NOS1: variants seen among roughly 807,000 people sequenced by gnomAD.
NOS1 encodes nitric oxide synthase 1, also known as NOS type I.
NOS1 carries 51 observed loss-of-function variants against 164.5 expected under a neutral mutation model. That is an observed-to-expected ratio of 0.31 (90% CI 0.25 to 0.39). NOS1 has a LOEUF of 0.39. Ranked by LOEUF, NOS1 falls within the 10% of genes least tolerant of loss-of-function variation. The pLI, the probability that NOS1 is intolerant of heterozygous loss-of-function variation, is 1.00. For synonymous variants in NOS1, 719 were observed against 745.8 expected (o/e 0.96, Z 0.59); for missense variants, 1,362 against 1,885.6 (o/e 0.72, Z 5.14).
chr12:117,354,377 A>G (rs1275533402), intron 1 of NOS1, among the ~76,000 whole-genome samples: 1 of 149,526 alleles, frequency 6.7e-6, no homozygotes, highest in African/African-American at 2.6e-5. Flanking sequence ...AAGCAAAATG[A>G]TAACTGAAGG....
rs916468447 is a variant in NOS1 at position 117,210,667 on chromosome 12, T to C, written c.*4642A>G. The C allele has an allele frequency of 1.0e-6, 1 of 985,326 alleles. No homozygotes were observed. Among genetic ancestry groups the C allele is most frequent in the South Asian group, 4.7e-5 (1 of 21,290 alleles). The allele number at this position is 985,326 out of a possible 1,614,324, so 61.0% of individuals were successfully genotyped here. ...GCCCTATGAGCTAGGTCAGGACACC[T>C]CTCACTTGTTTTGAGCTTAGGGCAA... On this transcript the variant is annotated 3_prime_UTR_variant, in exon 29 of 29. Transcript: ENST00000317775.
intron 13 of NOS1, among the ~76,000 whole-genome samples, chr12:117,263,217 GAATGAATGAATGAGTA>G (rs1002718324): frequency 1.1e-4 from 6 of 52,868 alleles, no homozygotes; most frequent in South Asian, 1.2e-3. Flanking sequence ...CCCAACTAAT[GAATGAATGAATGAGTA>G]AATGAATGAA....
At chr12:117,238,556 G>A (rs1291045057) in intron 20 of NOS1, among the ~76,000 whole-genome samples, 1 of 151,702 alleles carries the variant, frequency 6.6e-6, no homozygotes, top group African/African-American at 2.4e-5. Context: ...TCACTCTATT[G>A]CCCAGGCTGG....
intron 7 of NOS1, among the ~76,000 whole-genome samples, chr12:117,282,868 G>A (rs555041825): frequency 2.0e-5 from 3 of 151,964 alleles, no homozygotes; most frequent in Admixed American, 2.0e-4. Context: ...ACAGTGAGTG[G>A]GGTGTGATGC....
At chr12:117,299,951 C>G (rs1403497734) in intron 3 of NOS1, among the ~76,000 whole-genome samples, 1 of 152,088 alleles carries the variant, frequency 6.6e-6, no homozygotes, top group Non-Finnish European at 1.5e-5. Flanking sequence ...ATCTTAACAT[C>G]AATCCTGTAA....
At position 117,260,627 on chromosome 12, in the gene NOS1, G is replaced by A. The variant is rs773245187; in HGVS notation, c.2223-18C>T. 69 of 1,603,120 alleles carry A rather than the reference G, an allele frequency of 4.3e-5. No homozygotes were observed. Among genetic ancestry groups the A allele is most frequent in the South Asian group, 3.9e-4 (35 of 90,530 alleles). On this transcript the variant is annotated intron_variant, in intron 13 of 28. Coordinates refer to ENST00000317775, the MANE Select transcript of NOS1 (RefSeq NM_000620.5). ...TGACAGCTCTGGAGGGAAGAGGATG[G>A]AGATGAAAAATGGGCAACAGAAAAG... is the stretch of plus-strand genomic sequence containing the variant.
intron 2 of NOS1, among the ~76,000 whole-genome samples, chr12:117,315,503 T>C (rs1408811180): frequency 6.6e-6 from 1 of 152,212 alleles, no homozygotes; most frequent in Non-Finnish European, 1.5e-5. Flanking sequence ...AACATCCAGG[T>C]TGAACTATTT....
rs753258221 is a variant in NOS1, at chr12:117,286,291, G to C, written c.1128-25C>G. 6.2e-6 allele frequency: 10 copies of C among 1,612,702 alleles called. No individual in the cohort carries two copies. In the Admixed American group the frequency reaches 1.7e-4, roughly 27 times the overall value. On this transcript the variant is annotated intron_variant, in intron 5 of 28. Transcript: ENST00000317775. ...TCTGAGTGAAGAGGAAGGGACATGG[G>C]AACATCACCCCCTCTTCTGAATTAG...
At chr12:117,311,682 C>T in intron 2 of NOS1, 90 bp from the exon 3 acceptor site, 1 of 1,394,276 alleles carries the variant, frequency 7.2e-7, no homozygotes, top group Non-Finnish European at 9.7e-7. Context: ...CTGTACAGAA[C>T]CTCAGTAGCT....
intron 8 of NOS1, among the ~76,000 whole-genome samples, chr12:117,279,209 T>A (rs1873431096): frequency 6.6e-6 from 1 of 151,752 alleles, no homozygotes; most frequent in Non-Finnish European, 1.5e-5. Context: ...AAACCCTATC[T>A]CTACTAAAAT....
chr12:117,314,233 G>C (rs560158469), intron 2 of NOS1, among the ~76,000 whole-genome samples: 1 of 152,312 alleles, frequency 6.6e-6, no homozygotes, highest in South Asian at 2.1e-4. Context: ...TACCCAGAGT[G>C]GCTCTTGATT....
At chr12:117,266,064 G>A (rs373947258) in intron 11 of NOS1, among the ~76,000 whole-genome samples, 1 of 151,932 alleles carries the variant, frequency 6.6e-6, no homozygotes, top group Admixed American at 6.6e-5. Flanking sequence ...CTCCCAAAGT[G>A]CTGGGATTAC....
intron 20 of NOS1, among the ~76,000 whole-genome samples, chr12:117,241,517 C>G (rs1870177975): frequency 6.6e-6 from 1 of 150,574 alleles, no homozygotes; most frequent in Non-Finnish European, 1.5e-5. Context: ...GGTGGGTAAC[C>G]TGGTGAACCA....
At chr12:117,284,639 C>T (rs1241300914) in intron 7 of NOS1, among the ~76,000 whole-genome samples, 2 of 152,102 alleles carry the variant, frequency 1.3e-5, no homozygotes, top group Non-Finnish European at 2.9e-5. Flanking sequence ...TGTTCCTGTC[C>T]TCTCCAGGAA....
At chr12:117,242,423 C>T (rs1870256941) in intron 20 of NOS1, among the ~76,000 whole-genome samples, 1 of 152,152 alleles carries the variant, frequency 6.6e-6, no homozygotes, top group South Asian at 2.1e-4. Context: ...AGACCAATAC[C>T]ATCTCCTTTT....
chr12:117,301,883 C>A, intron 3 of NOS1: 1 of 413,356 alleles, frequency 2.4e-6, no homozygotes, highest in Non-Finnish European at 4.9e-6. Flanking sequence ...CTCAAATTCG[C>A]AATATATTAT....
chr12:117,246,530 C>T lies in NOS1; in HGVS notation c.2823+818G>A, dbSNP rs57216246. Among the ~76,000 whole-genome samples the T allele has an allele frequency of 2.0e-5, 3 of 152,238 alleles. No individual in the cohort carries two copies. In the East Asian group the frequency reaches 5.8e-4, roughly 29 times the overall value. ...ATGCACAATCCTGTGGCATGTCGAA[C>T]GTCCACAAGGTTATGCAACCCTTCC... On this transcript the variant is annotated intron_variant, in intron 18 of 28. Transcript: ENST00000317775.
chr12:117,290,815 A>G (rs1273856536), intron 3 of NOS1, among the ~76,000 whole-genome samples: 1 of 152,152 alleles, frequency 6.6e-6, no homozygotes, highest in African/African-American at 2.4e-5. Context: ...GCACCGAGGA[A>G]TCAAACCTAA....
intron 15 of NOS1, 76 bp from the exon 16 acceptor site, chr12:117,258,531 G>A (rs749277836): frequency 9.3e-5 from 136 of 1,464,172 alleles, no homozygotes; most frequent in Admixed American, 1.3e-4. Flanking sequence ...GAGGGTCTGG[G>A]GTCCTGGCTG....
Sources: allele counts gnomAD v4.1 joint callset (sites outside exome capture counted in the v4.1 genomes callset), GRCh38; gene constraint gnomAD v4.1.1; transcripts MANE v1.5; gene names NCBI Gene and HGNC (gene_info 2026-07-23, HGNC 2026-07-21).